MTRR: variants seen among roughly 807,000 people sequenced by gnomAD.
MTRR encodes the protein methionine synthase reductase.
Under a neutral mutation model 79.2 loss-of-function variants are expected in MTRR, and 63 were observed. The ratio of observed to expected loss-of-function variants is 0.80; its 90% confidence interval spans 0.65 to 0.98. MTRR has a LOEUF of 0.98. Among genes scored for constraint, MTRR ranks in the 50% least tolerant of loss-of-function variants. The pLI, the probability that MTRR is intolerant of heterozygous loss-of-function variation, is 0.00. For synonymous variants in MTRR, 355 were observed against 313.3 expected (o/e 1.13, Z -1.41); for missense variants, 895 against 839.6 (o/e 1.07, Z -0.82).
intron 1 of MTRR, among the ~76,000 whole-genome samples, chr5:7,860,396 T>G (rs1296760100): frequency 2.0e-5 from 3 of 152,192 alleles, no homozygotes; most frequent in African/African-American, 7.2e-5. Flanking sequence ...AGCTCCTTAT[T>G]TTAATGGATT....
At chr5:7,873,074 G>T (rs936470618) in intron 2 of MTRR, among the ~76,000 whole-genome samples, 1 of 152,142 alleles carries the variant, frequency 6.6e-6, no homozygotes, top group Non-Finnish European at 1.5e-5. Flanking sequence ...CCTGGGATGG[G>T]TACTGTCTGT....
chr5:7,862,724 G>A (rs1746639193), intron 2 of MTRR: 19 of 1,020,220 alleles, frequency 1.9e-5, no homozygotes, highest in Non-Finnish European at 2.3e-5. Flanking sequence ...ATTCCATTTT[G>A]CATTTCCAGA....
At chr5:7,866,656 T>C (rs982537931), upstream of MTRR, 9 of 1,583,912 alleles carry the variant, frequency 5.7e-6, no homozygotes, top group Non-Finnish European at 7.7e-6. Flanking sequence ...CTTGCAGCCG[T>C]TGAAGGAAAA....
chr5:7,883,069 G>A (rs1032977098), intron 5 of MTRR, 86 bp from the exon 6 acceptor site: 3 of 1,577,840 alleles, frequency 1.9e-6, no homozygotes, highest in Non-Finnish European at 2.6e-6. Context: ...AGTTTTGTAA[G>A]CCCCTGTGGA....
At chr5:7,873,233 C>T (rs1748307000) in intron 2 of MTRR, 140 bp from the exon 3 acceptor site, 3 of 1,005,140 alleles carry the variant, frequency 3.0e-6, no homozygotes, top group Non-Finnish European at 4.7e-6. Flanking sequence ...CGCCTAGTCA[C>T]TGGACTGGTC....
intron 1 of MTRR, among the ~76,000 whole-genome samples, chr5:7,857,802 C>T (rs978926814): frequency 1.3e-5 from 2 of 152,140 alleles, no homozygotes; most frequent in African/African-American, 4.8e-5. Flanking sequence ...TGAATGCGTA[C>T]GTGAAGAGGG....
rs1270933581 is a variant in MTRR at position 7,870,900 on chromosome 5, C to T, written c.106C>T (p.His36Tyr). ...AVVHGFSADL[H>Y]CISESDKYDL... is the part of the protein sequence containing the mutation. ...GGTACATGGATTTTCTGCAGATCTT[C>T]ACTGTATTAGTGAATCCGATAAGGT... Residue 36 changes from histidine (H) to tyrosine (Y), a missense_variant, in exon 2 of 15, where the codon CAC (histidine) becomes TAC (tyrosine). Physicochemically the swap from His to Tyr is moderately conservative, Grantham distance 83. Coordinates refer to ENST00000440940, the MANE Select transcript of MTRR (RefSeq NM_002454.3). 6 of 1,614,104 alleles carry T rather than the reference C, an allele frequency of 3.7e-6. No individual in the cohort carries two copies. In the Admixed American group the frequency reaches 1.0e-4, roughly 27 times the overall value.
chr5:7,854,517 G>T (rs536536377), intron 1 of MTRR, among the ~76,000 whole-genome samples: 30 of 152,240 alleles, frequency 2.0e-4, no homozygotes, highest in Non-Finnish European at 4.0e-4. Flanking sequence ...GGCTAGGGAG[G>T]CCTCAGAATC....
Position 7,889,211 on chromosome 5 carries a change from T to G in MTRR, c.1263T>G (p.Cys421Trp). ...ADYSRFVRDACACLLDLLLAF... is the reference protein window; with the variant it reads ...ADYSRFVRDAWACLLDLLLAF... ...ATAGCCGCTTTGTACGAGATGCCTG[T>G]GCCTGCTTGTTGGATCTCCTCCTCG... The change falls in exon 9 of 15, where the codon TGT becomes TGG. Residue 421 changes from cysteine to tryptophan, a missense_variant. Cys to Trp is a radical substitution (Grantham distance 215, BLOSUM62 -2). Coordinates refer to ENST00000440940, the MANE Select transcript of MTRR (RefSeq NM_002454.3). 1 of 1,613,764 alleles carries G rather than the reference T, an allele frequency of 6.2e-7. No homozygotes were observed. The highest frequency in any genetic ancestry group is 8.5e-7 in the Non-Finnish European group (1 of 1,180,026).
At chr5:7,861,999 G>A (rs1391681811) in exon 2 of MTRR, 1 of 173,832 alleles carries the variant, frequency 5.8e-6, no homozygotes, top group African/African-American at 2.4e-5. Flanking sequence ...CTTGAGTTAA[G>A]ACATTAGACA....
At position 7,900,994 on chromosome 5, in the gene MTRR, GATA is replaced by G. The variant is rs1739385714; in HGVS notation, c.*939_*941del. ...TTGCACAAACAAAACAAAATGTTATGATAATCTTTCTCCACTGTTCTAATATAT... is the reference window on the plus strand; with the variant it reads ...TTGCACAAACAAAACAAAATGTTATGATCTTTCTCCACTGTTCTAATATAT... On this transcript the variant is annotated 3_prime_UTR_variant, in exon 15 of 15. Transcript: ENST00000440940. 2 of 152,046 alleles carry G rather than the reference GATA, an allele frequency of 1.3e-5. No individual in the cohort carries two copies. Among genetic ancestry groups the G allele is most frequent in the South Asian group, 2.1e-4 (1 of 4,824 alleles). The allele number at this position is 152,046 out of a possible 1,614,324, so 9.4% of individuals were successfully genotyped here.
intron 1 of MTRR, among the ~76,000 whole-genome samples, chr5:7,852,884 G>C (rs1746117273): frequency 6.6e-6 from 1 of 152,142 alleles, no homozygotes; most frequent in Non-Finnish European, 1.5e-5. Flanking sequence ...GAAAGTGAAA[G>C]TACTTGAAAC....
In MTRR at chr5:7,899,943, A is replaced by G. The variant is rs148909799; in HGVS notation, c.1982A>G (p.His661Arg). ...GDAKNMAKDVHDALVQIISKE... is the reference protein window; with the variant it reads ...GDAKNMAKDVRDALVQIISKE... ...GCAAAGAATATGGCCAAGGATGTAC[A>G]TGATGCCCTTGTGCAAATAATAAGC... is the stretch of plus-strand genomic sequence containing the variant. Residue 661 changes from histidine (H) to arginine (R), a missense_variant, in exon 15 of 15, where the codon CAT becomes CGT. Transcript: ENST00000440940. 3.1e-3 allele frequency: 5,012 copies of G among 1,614,224 alleles called. 10 individuals are homozygous for G. The highest frequency in any genetic ancestry group is 3.8e-3 in the Non-Finnish European group (4,515 of 1,180,032).
At chr5:7,868,796 G>A (rs1245236244), upstream of MTRR, among the ~76,000 whole-genome samples, 3 of 152,234 alleles carry the variant, frequency 2.0e-5, no homozygotes, top group East Asian at 3.9e-4. Context: ...ACAGACAGAC[G>A]GGAGGCCCCG....
At position 7,897,067 on chromosome 5, in the gene MTRR, A is replaced by G. The variant is rs1406055321; in HGVS notation, c.1772A>G (p.Lys591Arg). 4 of 1,613,924 alleles carry G rather than the reference A, an allele frequency of 2.5e-6. No individual in the cohort carries two copies. Among genetic ancestry groups the G allele is most frequent in the African/African-American group, 1.3e-5 (1 of 74,900 alleles). The part of the protein sequence containing the change: ...RHKDRDYLFR[K>R]ELRHFLKHGI... Reference sequence around the variant, plus strand: ...ATCCATTATATATTATATTTCAGAAAAGAGCTCAGACATTTCCTTAAGCAT... The same window carrying G: ...ATCCATTATATATTATATTTCAGAAGAGAGCTCAGACATTTCCTTAAGCAT... Residue 591 changes from lysine (K) to arginine (R), a missense_variant and splice_region_variant, in exon 14 of 15, where the codon AAA (lysine) becomes AGA (arginine). By Grantham distance (26) the Lys-to-Arg change is conservative. Transcript: ENST00000440940.
intron 1 of MTRR, among the ~76,000 whole-genome samples, chr5:7,857,579 A>G (rs1294820692): frequency 2.0e-5 from 3 of 152,104 alleles, no homozygotes; most frequent in Non-Finnish European, 4.4e-5. Context: ...CAGCTTACAA[A>G]TCACTCTGAG....
upstream of MTRR, chr5:7,868,145 T>C (rs1352900044): frequency 1.9e-6 from 2 of 1,063,842 alleles, no homozygotes; most frequent in East Asian, 2.5e-5. Context: ...GTTAAATACA[T>C]TGAGAACATG....
chr5:7,875,845 C>T (rs186340051), intron 4 of MTRR, among the ~76,000 whole-genome samples: 77 of 152,356 alleles, frequency 5.1e-4, no homozygotes, highest in African/African-American at 1.5e-3. Flanking sequence ...ACCGTCTGAA[C>T]GGCCATTTGC....
upstream of MTRR, chr5:7,867,000 C>A (rs1269631100): frequency 6.2e-6 from 10 of 1,614,216 alleles, no homozygotes; most frequent in Non-Finnish European, 8.5e-6. Context: ...GTGAGGCACA[C>A]CGCAGCTACA....
Sources: allele counts gnomAD v4.1 joint callset (sites outside exome capture counted in the v4.1 genomes callset), GRCh38; gene constraint gnomAD v4.1.1; transcripts MANE v1.5; gene names NCBI Gene and HGNC (gene_info 2026-07-23, HGNC 2026-07-21).